The following COL23A1 variants were observed in gnomAD, a reference collection of about 807,000 sequenced individuals.
The protein encoded by COL23A1 is collagen type XXIII alpha 1 chain, also known as collagen alpha-1(XXIII) chain.
In COL23A1, 97 loss-of-function variants were observed where a neutral mutation model predicts 99.3. That is an observed-to-expected ratio of 0.98 (90% CI 0.83 to 1.16). The LOEUF is 1.16. Ranked by LOEUF, COL23A1 falls within the 50% of genes most tolerant of loss-of-function variation. The probability of loss-of-function intolerance (pLI) is 0.00; values close to 1 mark genes in which losing one functional copy is unlikely to be tolerated. For synonymous variants in COL23A1, 320 were observed against 308.2 expected, an observed-to-expected ratio of 1.04 and a Z score of -0.40; for missense variants, 762 against 757.4, an observed-to-expected ratio of 1.01 and a Z score of -0.07.
intron 2 of COL23A1, among the ~76,000 whole-genome samples, chr5:178,517,604 C>T (rs1317198016): frequency 7.4e-6 from 1 of 135,160 alleles, no homozygotes; most frequent in African/African-American, 3.0e-5. Context: ...CTCTGTCGCC[C>T]AGTCTGGAAT....
In COL23A1 at chr5:178,544,372, A is replaced by G. The variant is rs1223118236; in HGVS notation, c.361+16310T>C. Among the ~76,000 whole-genome samples, 2 of 152,190 alleles carry G rather than the reference A, an allele frequency of 1.3e-5. No homozygotes were observed. The highest frequency in any genetic ancestry group is 4.8e-5 in the African/African-American group (2 of 41,446). On this transcript the variant is annotated intron_variant, in intron 2 of 28. Coordinates refer to ENST00000390654, the MANE Select transcript of COL23A1 (RefSeq NM_173465.4). The surrounding 1 kb of genome is among the most constrained non-coding windows in gnomAD (Gnocchi z 4.4). ...TCGGCGGATGCGCACTTCAGGGAGG[A>G]CGCAGGCGCAGGGCCGGGGAGCTGG...
chr5:178,278,211 G>GCCTCGC (rs1380545419), intron 5 of COL23A1, among the ~76,000 whole-genome samples: 1 of 152,196 alleles, frequency 6.6e-6, no homozygotes, highest in Admixed American at 6.5e-5. Flanking sequence ...CAGTCACTCT[G>GCCTCGC]CCTCGCCCTG....
chr5:178,385,546 G>A (rs541655940), intron 2 of COL23A1, among the ~76,000 whole-genome samples: 2 of 152,194 alleles, frequency 1.3e-5, no homozygotes, highest in Non-Finnish European at 2.9e-5. Context: ...GCTGGGCACC[G>A]AGCCGGGGTG....
At chr5:178,437,200 T>C (rs1446394815) in intron 2 of COL23A1, among the ~76,000 whole-genome samples, 2 of 151,990 alleles carry the variant, frequency 1.3e-5, no homozygotes, top group Admixed American at 1.3e-4. Flanking sequence ...CCTCATCTGG[T>C]GATTAAAAGA....
intron 2 of COL23A1, among the ~76,000 whole-genome samples, chr5:178,441,036 C>G (rs185876441): frequency 1.5e-3 from 222 of 152,332 alleles, no homozygotes; most frequent in Non-Finnish European, 2.8e-3. Context: ...AGACAAGGCA[C>G]TCCTTGAGGG....
In COL23A1 at chr5:178,259,585, G is replaced by A. The variant is rs1765513698; in HGVS notation, c.729+136C>T. The A allele has an allele frequency of 9.8e-6, 8 of 817,590 alleles. No individual in the cohort carries two copies. The South Asian group carries it at 1.9e-4, about 20-fold the overall frequency. The allele number at this position is 817,590 out of a possible 1,614,324, so 50.6% of individuals were successfully genotyped here. A position where few individuals can be genotyped will look rare whatever the true frequency, so the allele number is the denominator to read the frequency against. ...AGTGAGGGCTCAGGGCTGGTGGAGA[G>A]AAGGCCGCCTTCCCTGTGGGTTGGC... On this transcript the variant is annotated intron_variant, in intron 12 of 28. Coordinates refer to ENST00000390654, the MANE Select transcript of COL23A1 (RefSeq NM_173465.4).
At chr5:178,288,463 G>T in intron 4 of COL23A1, 113 bp from the exon 5 acceptor site, 1 of 918,244 alleles carries the variant, frequency 1.1e-6, no homozygotes, top group South Asian at 1.3e-5. Context: ...GCTGGTTGGT[G>T]ACTTCCTCTG....
At chr5:178,294,089 C>T (rs1757603834) in intron 3 of COL23A1, among the ~76,000 whole-genome samples, 1 of 152,046 alleles carries the variant, frequency 6.6e-6, no homozygotes, top group South Asian at 2.1e-4. Flanking sequence ...CCCATCACCA[C>T]CCCAGTCTCC....
intron 1 of COL23A1, among the ~76,000 whole-genome samples, chr5:178,565,279 T>C (rs1182050039): frequency 1.3e-5 from 2 of 152,178 alleles, no homozygotes; most frequent in African/African-American, 4.8e-5. Context: ...ATGTAAACCC[T>C]TGAAATCCCC....
chr5:178,243,830 GTCTCCTT>G (rs1764535621), intron 25 of COL23A1, among the ~76,000 whole-genome samples: 1 of 152,224 alleles, frequency 6.6e-6, no homozygotes, highest in Non-Finnish European at 1.5e-5. Context: ...GTGGCATGGA[GTCTCCTT>G]AGCTCCACCC....
intron 2 of COL23A1, among the ~76,000 whole-genome samples, chr5:178,470,797 G>C (rs1467805608): frequency 6.6e-6 from 1 of 152,170 alleles, no homozygotes; most frequent in Non-Finnish European, 1.5e-5. Flanking sequence ...CTGTCTCAAG[G>C]AGCCCACCGC....
At chr5:178,272,408 C>T (rs1008347746) in intron 5 of COL23A1, among the ~76,000 whole-genome samples, 5 of 152,198 alleles carry the variant, frequency 3.3e-5, no homozygotes, top group Non-Finnish European at 7.3e-5. Flanking sequence ...AGCAGGAAAC[C>T]AGGCAGTTCT....
chr5:178,380,512 C>CAGG (rs1245124631), intron 2 of COL23A1, among the ~76,000 whole-genome samples: 1 of 152,072 alleles, frequency 6.6e-6, no homozygotes, highest in Non-Finnish European at 1.5e-5. Context: ...AGCTGCTGAT[C>CAGG]AGGAGTTCCA....
At chr5:178,331,023 A>G (rs1759988175) in intron 2 of COL23A1, among the ~76,000 whole-genome samples, 1 of 152,188 alleles carries the variant, frequency 6.6e-6, no homozygotes, top group African/African-American at 2.4e-5. Context: ...AGCCGGATAA[A>G]CCTCGTCTCT....
intron 2 of COL23A1, among the ~76,000 whole-genome samples, chr5:178,431,052 G>A (rs931158361): frequency 6.6e-6 from 1 of 152,146 alleles, no homozygotes; most frequent in Non-Finnish European, 1.5e-5. Flanking sequence ...AGGGGAGGGA[G>A]ACCAGAGCCC....
intron 1 of COL23A1, among the ~76,000 whole-genome samples, chr5:178,581,127 T>G (rs1328571181): frequency 6.6e-6 from 1 of 152,224 alleles, no homozygotes; most frequent in Admixed American, 6.5e-5. Context: ...CAATGATAAA[T>G]CCAACTGAAA....
At chr5:178,311,041 G>A (rs150508132) in intron 2 of COL23A1, among the ~76,000 whole-genome samples, 1 of 152,218 alleles carries the variant, frequency 6.6e-6, no homozygotes, top group African/African-American at 2.4e-5. Flanking sequence ...TAGCGCTGAA[G>A]ACCACCTTGG....
In COL23A1 at chr5:178,340,801, C is replaced by T. The variant is rs979328904; in HGVS notation, c.362-33882G>A. On this transcript the variant is annotated intron_variant, in intron 2 of 28. Coordinates refer to ENST00000390654, the MANE Select transcript of COL23A1 (RefSeq NM_173465.4). This position sits in a 1 kb window ranked among gnomAD's most constrained non-coding sequence, Gnocchi z 4.7. ...AAGGCCTGGCTTTTCTTACATGGTGCTCCCACTTTCCATCCAGAAAGCCAT... is the reference window on the plus strand; with the variant it reads ...AAGGCCTGGCTTTTCTTACATGGTGTTCCCACTTTCCATCCAGAAAGCCAT... 1.1e-4 allele frequency among the ~76,000 whole-genome samples: 16 copies of T among 152,372 alleles called. No homozygotes were observed. The highest frequency in any genetic ancestry group is 3.6e-4 in the African/African-American group (15 of 41,582).
At chr5:178,289,157 C>T (rs1157866877) in intron 4 of COL23A1, among the ~76,000 whole-genome samples, 1 of 151,840 alleles carries the variant, frequency 6.6e-6, no homozygotes, top group African/African-American at 2.4e-5. Context: ...ACCGAGAAGC[C>T]CAGATTCCGA....
Sources: allele counts gnomAD v4.1 joint callset (sites outside exome capture counted in the v4.1 genomes callset), GRCh38; gene constraint gnomAD v4.1.1; non-coding constraint Gnocchi (gnomAD v3.1); transcripts MANE v1.5; gene names NCBI Gene and HGNC (gene_info 2026-07-23, HGNC 2026-07-21).